NEK5: variants seen among roughly 807,000 people sequenced by gnomAD.
NEK5 encodes the protein serine/threonine-protein kinase Nek5.
NEK5 carries 88 observed loss-of-function variants against 109.2 expected under a neutral mutation model. The observed-to-expected ratio is 0.81, with a 90% CI of 0.68 to 0.96. The LOEUF (loss-of-function observed/expected upper bound fraction) is 0.96, where lower values mean the gene tolerates loss of function less well. Ranked by LOEUF, NEK5 falls within the 40% of genes least tolerant of loss-of-function variation. NEK5 has a pLI of 0.00. For missense variants in NEK5, 834 were observed against 920.7 expected, an observed-to-expected ratio of 0.91 and a Z score of 1.22; for synonymous variants, 283 against 299.9, an observed-to-expected ratio of 0.94 and a Z score of 0.58.
intron 22 of NEK5, among the ~76,000 whole-genome samples, chr13:52,056,799 T>C (rs1954560055): frequency 1.3e-5 from 2 of 150,378 alleles, no homozygotes; most frequent in Admixed American, 6.6e-5. Context: ...TTCAAAGCAG[T>C]GTGTAGAGGG....
chr13:52,050,790 G>A (rs1229902462), intron 22 of NEK5, among the ~76,000 whole-genome samples: 2 of 147,380 alleles, frequency 1.4e-5, no homozygotes, highest in Non-Finnish European at 1.5e-5. Context: ...TGCAATCTTA[G>A]CTCACTGCAA....
chr13:52,068,507 T>A (rs1422800317), intron 20 of NEK5, among the ~76,000 whole-genome samples: 1 of 150,018 alleles, frequency 6.7e-6, no homozygotes, highest in African/African-American at 2.5e-5. Context: ...TCATATATAT[T>A]TGCTGTTATT....
At position 52,050,161 on chromosome 13, in the gene NEK5, ACCATTTCTACCTTC is replaced by A. The variant is rs1281657918; in HGVS notation, c.2157_2170del (p.Lys720LeufsTer4). 1 of 985,668 alleles carries A rather than the reference ACCATTTCTACCTTC, an allele frequency of 1.0e-6. No homozygotes were observed. The highest frequency in any genetic ancestry group is 1.2e-6 in the Non-Finnish European group (1 of 829,884). 61.1% of individuals were successfully genotyped at this position (985,668 alleles called of 1,614,324 possible). Reference sequence around the variant, plus strand: ...TTCCTCATCTACTTCAATGCCAGAGACCATTTCTACCTTCCCTTCATCTTCTTCTTTGGGTAGCC... The same window carrying A: ...TTCCTCATCTACTTCAATGCCAGAGACCTTCATCTTCTTCTTTGGGTAGCC... On this transcript the variant is annotated frameshift_variant, in exon 23 of 24. Transcript: ENST00000684899. LOFTEE classifies it high-confidence loss of function.
At chr13:52,087,847 A>G (rs541119652) in intron 14 of NEK5, among the ~76,000 whole-genome samples, 44 of 151,502 alleles carry the variant, frequency 2.9e-4, no homozygotes, top group Admixed American at 2.4e-3. Context: ...GGATGGTCTC[A>G]ATCTCCTGAC....
At chr13:52,056,433 T>C (rs1421647640) in intron 22 of NEK5, among the ~76,000 whole-genome samples, 5 of 151,078 alleles carry the variant, frequency 3.3e-5, no homozygotes, top group Admixed American at 6.6e-5. Flanking sequence ...AACTCAGCTC[T>C]GCACCAAGCG....
Position 52,116,158 on chromosome 13 carries a change from G to GC in NEK5, c.214+3160dup, listed in dbSNP as rs1955853616. On this transcript the variant is annotated intron_variant, in intron 4 of 23. Coordinates refer to ENST00000684899, the MANE Select transcript of NEK5 (RefSeq NM_001365552.1). ...ATCACACCACTGCACTCCAGCCTGGGCAACAGAGTAAGACTGTCTCAAAAA... is the reference window on the plus strand; with the variant it reads ...ATCACACCACTGCACTCCAGCCTGGGCCAACAGAGTAAGACTGTCTCAAAAA... Among the ~76,000 whole-genome samples the GC allele has an allele frequency of 2.4e-5, 3 of 124,244 alleles. No homozygotes were observed. In the Admixed American group the frequency reaches 3.0e-4, roughly 12 times the overall value. The allele number at this position is 124,244 out of a possible 152,430, so 81.5% of individuals were successfully genotyped here.
At chr13:52,117,813 G>T (rs927501657) in intron 4 of NEK5, among the ~76,000 whole-genome samples, 3 of 152,252 alleles carry the variant, frequency 2.0e-5, no homozygotes, top group African/African-American at 7.2e-5. Flanking sequence ...AAAGGGAGCT[G>T]TAATTTGAAT....
intron 23 of NEK5, among the ~76,000 whole-genome samples, chr13:52,047,124 C>A (rs1472829850): frequency 6.6e-6 from 1 of 150,920 alleles, no homozygotes; most frequent in East Asian, 1.9e-4. Context: ...GGGAAATAGG[C>A]ACTTCTAGAT....
intron 16 of NEK5, 118 bp from the exon 17 acceptor site, chr13:52,083,470 T>A (rs1955056817): frequency 3.1e-6 from 2 of 640,160 alleles, no homozygotes; most frequent in Non-Finnish European, 5.7e-6. Context: ...ATAGCTCCTT[T>A]TCCCCGCCAC....
chr13:52,080,378 C>CG (rs1300175480), intron 17 of NEK5, among the ~76,000 whole-genome samples: 1 of 151,658 alleles, frequency 6.6e-6, no homozygotes, highest in Non-Finnish European at 1.5e-5. Flanking sequence ...GCCACCACCC[C>CG]GTCTGGGAGG....
intron 16 of NEK5, among the ~76,000 whole-genome samples, chr13:52,085,304 C>A (rs1360164166): frequency 6.6e-6 from 1 of 152,200 alleles, no homozygotes; most frequent in Non-Finnish European, 1.5e-5. Flanking sequence ...GCCTCCCCAG[C>A]CATGTGAAAC....
At chr13:52,102,870 G>A (rs1267144573) in intron 9 of NEK5, among the ~76,000 whole-genome samples, 1 of 152,076 alleles carries the variant, frequency 6.6e-6, no homozygotes, top group Non-Finnish European at 1.5e-5. Context: ...AAAAAAACTG[G>A]AAGGTATAGG....
chr13:52,063,306 C>T (rs9526827), intron 21 of NEK5, among the ~76,000 whole-genome samples: 8 of 152,298 alleles, frequency 5.3e-5, no homozygotes, highest in African/African-American at 9.6e-5. Flanking sequence ...AGCTCCTAAC[C>T]GCGAGTGATC....
At chr13:52,091,555 G>T (rs898961490) in intron 13 of NEK5, among the ~76,000 whole-genome samples, 1 of 152,100 alleles carries the variant, frequency 6.6e-6, no homozygotes, top group African/African-American at 2.4e-5. Flanking sequence ...CACTATTAAT[G>T]AGATTGCCAT....
chr13:52,117,979 T>C (rs1284025847), intron 4 of NEK5, among the ~76,000 whole-genome samples: 1 of 152,178 alleles, frequency 6.6e-6, no homozygotes, highest in East Asian at 1.9e-4. Flanking sequence ...TCCTTGAAAG[T>C]TATTCCATGC....
In NEK5 at chr13:52,061,842, G is replaced by A. The variant is rs1954616552; in HGVS notation, c.2087C>T (p.Ser696Leu). Residue 696 changes from serine to leucine, a missense_variant, in exon 22 of 24, where the codon TCA becomes TTA. By Grantham distance (145) the Ser-to-Leu change is moderately radical (BLOSUM62 -2). Coordinates refer to ENST00000684899, the MANE Select transcript of NEK5 (RefSeq NM_001365552.1). Reference protein sequence around the residue: ...VLAAAHLTSSSFSADEEFAMG... With the variant: ...VLAAAHLTSSLFSADEEFAMG... ...ACCAAATTCTTCATCGGCAGAAAAT[G>A]AGCTACTCGTTAGATGTGCTGCTGC... 3 of 985,764 alleles carry A rather than the reference G, an allele frequency of 3.0e-6. No homozygotes were observed. The highest frequency in any genetic ancestry group is 3.6e-6 in the Non-Finnish European group (3 of 829,842). 61.1% of individuals were successfully genotyped at this position (985,764 alleles called of 1,614,324 possible). A position where few individuals can be genotyped will look rare whatever the true frequency, so the allele number is the denominator to read the frequency against.
At chr13:52,059,815 G>C (rs1319831180) in intron 22 of NEK5, among the ~76,000 whole-genome samples, 5 of 149,794 alleles carry the variant, frequency 3.3e-5, no homozygotes, top group East Asian at 2.0e-4. Flanking sequence ...GGGGTGGGGG[G>C]ACGGGGGAGG....
At chr13:52,104,612 T>G in intron 8 of NEK5, 60 bp from the exon 9 acceptor site, 5 of 1,166,766 alleles carry the variant, frequency 4.3e-6, no homozygotes, top group African/African-American at 1.5e-5. Flanking sequence ...TAAAAGCTTT[T>G]ATCCTTACAG....
chr13:52,099,042 T>C (rs905454683), intron 12 of NEK5, among the ~76,000 whole-genome samples: 5 of 152,196 alleles, frequency 3.3e-5, no homozygotes, highest in African/African-American at 4.8e-5. Context: ...TAATTGTACA[T>C]TTTGAAATAA....
Sources: allele counts gnomAD v4.1 joint callset (sites outside exome capture counted in the v4.1 genomes callset), GRCh38; gene constraint gnomAD v4.1.1; transcripts MANE v1.5; gene names NCBI Gene and HGNC (gene_info 2026-07-23, HGNC 2026-07-21).